The following RORA variants were observed in gnomAD, a reference collection of about 807,000 sequenced individuals.
The protein encoded by RORA is nuclear receptor ROR-alpha.
Under a neutral mutation model 69.5 loss-of-function variants are expected in RORA, and 7 were observed. The ratio of observed to expected loss-of-function variants is 0.10; its 90% confidence interval spans 0.06 to 0.19. The LOEUF is 0.19. Ranked by LOEUF, RORA falls within the 10% of genes least tolerant of loss-of-function variation. The pLI, the probability that RORA is intolerant of heterozygous loss-of-function variation, is 1.00. For missense variants in RORA, 457 were observed against 663.0 expected (o/e 0.69, Z 3.41); for synonymous variants, 261 against 240.8 (o/e 1.08, Z -0.78).
intron 2 of RORA, among the ~76,000 whole-genome samples, chr15:60,651,763 C>A (rs1283904361): frequency 6.6e-6 from 1 of 152,156 alleles, no homozygotes; most frequent in African/African-American, 2.4e-5. Context: ...GCCACTCTCC[C>A]TTGCAGAGTT....
At chr15:61,052,054 G>C (rs753603733) in intron 1 of RORA, among the ~76,000 whole-genome samples, 7 of 152,240 alleles carry the variant, frequency 4.6e-5, no homozygotes, top group Non-Finnish European at 8.8e-5. Context: ...GCTATCGTCT[G>C]CAGTCAGAAA....
intron 1 of RORA, among the ~76,000 whole-genome samples, chr15:60,999,956 C>G (rs1894694742): frequency 6.6e-6 from 1 of 152,182 alleles, no homozygotes; most frequent in Non-Finnish European, 1.5e-5. Context: ...GCCCCTTTCC[C>G]CCTCAAAAAA....
intron 1 of RORA, among the ~76,000 whole-genome samples, chr15:60,704,370 A>G (rs1158930552): frequency 1.3e-5 from 2 of 152,224 alleles, no homozygotes; most frequent in African/African-American, 4.8e-5. Context: ...CACAACCCAC[A>G]AACTTGGGTG....
chr15:60,948,047 G>A (rs1026317031), intron 1 of RORA, among the ~76,000 whole-genome samples: 18 of 152,280 alleles, frequency 1.2e-4, no homozygotes, highest in Middle Eastern at 3.4e-3. Context: ...TTTGGCAGCT[G>A]CAGCTTCTGA....
chr15:60,808,393 A>G (rs983753552), intron 1 of RORA, among the ~76,000 whole-genome samples: 2 of 152,308 alleles, frequency 1.3e-5, no homozygotes, highest in South Asian at 2.1e-4. Context: ...AATGGACATA[A>G]TAAAAAAAAT....
At chr15:61,185,284 T>G (rs1468533015) in intron 1 of RORA, among the ~76,000 whole-genome samples, 1 of 152,180 alleles carries the variant, frequency 6.6e-6, no homozygotes, top group Non-Finnish European at 1.5e-5. Context: ...TAAATGATAT[T>G]TAGCCTCCAG....
intron 1 of RORA, among the ~76,000 whole-genome samples, chr15:60,911,431 T>C (rs980225024): frequency 6.6e-6 from 1 of 152,194 alleles, no homozygotes; most frequent in African/African-American, 2.4e-5. Flanking sequence ...TTGACTTTAC[T>C]GGCGGACAAA....
At chr15:60,885,431 GACTA>G (rs1346701320) in intron 1 of RORA, among the ~76,000 whole-genome samples, 2 of 152,208 alleles carry the variant, frequency 1.3e-5, no homozygotes, top group African/African-American at 2.4e-5. Context: ...ACCAACAAGT[GACTA>G]ACTGATGCTA....
At chr15:61,139,476 G>A (rs1197419724) in intron 1 of RORA, among the ~76,000 whole-genome samples, 1 of 152,184 alleles carries the variant, frequency 6.6e-6, no homozygotes, top group Non-Finnish European at 1.5e-5. Context: ...CAAAAAGACT[G>A]GGACATAAAA....
At chr15:60,867,358 C>G (rs540569002) in intron 1 of RORA, among the ~76,000 whole-genome samples, 1 of 152,172 alleles carries the variant, frequency 6.6e-6, no homozygotes, top group African/African-American at 2.4e-5. Flanking sequence ...TGCAACTGAG[C>G]CCTTAACTGT....
chr15:60,758,267 A>G (rs1029913363), intron 1 of RORA, among the ~76,000 whole-genome samples: 1 of 152,190 alleles, frequency 6.6e-6, no homozygotes, highest in African/African-American at 2.4e-5. Context: ...CCACTCAGAT[A>G]GTCTCTACCA....
chr15:61,057,212 A>G (rs1431560413), intron 1 of RORA, among the ~76,000 whole-genome samples: 1 of 152,254 alleles, frequency 6.6e-6, no homozygotes, highest in African/African-American at 2.4e-5. Flanking sequence ...GAACATCTAC[A>G]TAAAATGAAG....
At chr15:60,753,347 C>A (rs989293919) in intron 1 of RORA, among the ~76,000 whole-genome samples, 5 of 152,236 alleles carry the variant, frequency 3.3e-5, no homozygotes, top group African/African-American at 1.2e-4. Context: ...TTAATCCATC[C>A]ATTCAACAAG....
intron 2 of RORA, among the ~76,000 whole-genome samples, chr15:60,578,774 T>G (rs1372697253): frequency 6.6e-6 from 1 of 151,682 alleles, no homozygotes; most frequent in Non-Finnish European, 1.5e-5. Context: ...ACTTTTTTTT[T>G]TTTTTTTGAG....
intron 1 of RORA, among the ~76,000 whole-genome samples, chr15:61,050,455 T>C (rs553996151): frequency 5.3e-5 from 8 of 152,316 alleles, no homozygotes; most frequent in Non-Finnish European, 8.8e-5. Context: ...TCAATAACTC[T>C]CTTAAAGCAT....
At chr15:60,556,531 T>C (rs2140406946) in intron 2 of RORA, among the ~76,000 whole-genome samples, 1 of 152,298 alleles carries the variant, frequency 6.6e-6, no homozygotes, top group East Asian at 1.9e-4. Context: ...AGGGAAGTGT[T>C]TTTTCTATTC....
chr15:60,871,422 T>C (rs563219569), intron 1 of RORA, among the ~76,000 whole-genome samples: 1 of 152,234 alleles, frequency 6.6e-6, no homozygotes, highest in Non-Finnish European at 1.5e-5. Flanking sequence ...GATTGGAGAA[T>C]GACATCTACA....
intron 1 of RORA, among the ~76,000 whole-genome samples, chr15:60,745,637 G>T (rs536296852): frequency 2.6e-5 from 4 of 152,210 alleles, no homozygotes; most frequent in Non-Finnish European, 5.9e-5. Flanking sequence ...TTTCCTGGCC[G>T]CCTCAACACA....
intron 2 of RORA, among the ~76,000 whole-genome samples, chr15:60,611,229 C>G (rs532859255): frequency 6.6e-6 from 1 of 152,182 alleles, no homozygotes; most frequent in African/African-American, 2.4e-5. Context: ...TTCAATCTCT[C>G]AGACCTCAGA....
Sources: gnomAD v4.1 joint callset for allele counts (sites outside exome capture counted in the v4.1 genomes callset) on GRCh38, gnomAD v4.1.1 for gene constraint, MANE v1.5 for transcripts, NCBI Gene and HGNC (gene_info 2026-07-23, HGNC 2026-07-21) for gene names.